Variants in ARHGAP10 observed in about 807,000 individuals in gnomAD.
ARHGAP10 encodes rho GTPase-activating protein 10.
Under a neutral mutation model 108.6 loss-of-function variants are expected in ARHGAP10, and 87 were observed. The observed-to-expected ratio is 0.80, with a 90% CI of 0.67 to 0.96. The LOEUF is 0.96. ARHGAP10 is among the 40% of genes least tolerant of loss of function. ARHGAP10 has a pLI of 0.00. For synonymous variants in ARHGAP10, 347 were observed against 341.1 expected, an observed-to-expected ratio of 1.02 and a Z score of -0.19; for missense variants, 939 against 954.5, an observed-to-expected ratio of 0.98 and a Z score of 0.21.
chr4:147,953,773 T>A (rs762419925), intron 15 of ARHGAP10, among the ~76,000 whole-genome samples: 10 of 151,960 alleles, frequency 6.6e-5, no homozygotes, highest in Non-Finnish European at 1.3e-4. Flanking sequence ...TTTTTATTAT[T>A]TCTCTTCTTT....
intron 1 of ARHGAP10, among the ~76,000 whole-genome samples, chr4:147,810,815 A>C (rs1349975007): frequency 6.6e-6 from 1 of 152,182 alleles, no homozygotes; most frequent in Non-Finnish European, 1.5e-5. Context: ...TATCTGGGGA[A>C]TCTTCCTAAA....
At chr4:147,903,037 C>T (rs1308112309) in intron 10 of ARHGAP10, among the ~76,000 whole-genome samples, 1 of 152,150 alleles carries the variant, frequency 6.6e-6, no homozygotes, top group East Asian at 1.9e-4. Context: ...TCACCTCCCA[C>T]CAGGCCCCTT....
chr4:147,939,050 C>G (rs1738065721), intron 13 of ARHGAP10, among the ~76,000 whole-genome samples: 1 of 152,178 alleles, frequency 6.6e-6, no homozygotes, highest in Non-Finnish European at 1.5e-5. Flanking sequence ...CAGGATGCAA[C>G]TTTAAACAAA....
intron 3 of ARHGAP10, among the ~76,000 whole-genome samples, chr4:147,846,088 T>G (rs944942011): frequency 6.6e-6 from 1 of 151,774 alleles, no homozygotes; most frequent in Non-Finnish European, 1.5e-5. Flanking sequence ...CAGGTGGGAG[T>G]GAGGGGAATC....
chr4:147,828,814 C>T (rs1217960859), intron 3 of ARHGAP10, among the ~76,000 whole-genome samples: 1 of 152,142 alleles, frequency 6.6e-6, no homozygotes, highest in Non-Finnish European at 1.5e-5. Flanking sequence ...TCAGTGTTTC[C>T]CTCCACACTC....
chr4:147,952,192 G>A (rs774426808), intron 15 of ARHGAP10, among the ~76,000 whole-genome samples: 6 of 151,994 alleles, frequency 3.9e-5, no homozygotes, highest in Non-Finnish European at 7.4e-5. Context: ...TGTAACTTTC[G>A]GCTGTTGCAC....
intron 10 of ARHGAP10, among the ~76,000 whole-genome samples, chr4:147,901,588 CGTT>C (rs1472608128): frequency 5.9e-5 from 9 of 152,320 alleles, no homozygotes; most frequent in African/African-American, 2.2e-4. Context: ...AAGTTTGAGT[CGTT>C]GTGCTTGGAG....
intron 1 of ARHGAP10, among the ~76,000 whole-genome samples, chr4:147,755,366 T>C (rs1729323619): frequency 6.6e-6 from 1 of 152,028 alleles, no homozygotes; most frequent in Non-Finnish European, 1.5e-5. Context: ...AACTGCAAGG[T>C]GTTTTGTTCC....
intron 10 of ARHGAP10, among the ~76,000 whole-genome samples, chr4:147,905,314 A>G (rs1317986490): frequency 4.1e-5 from 6 of 147,806 alleles, no homozygotes; most frequent in Admixed American, 1.4e-4. Flanking sequence ...GCCCATGCCT[A>G]TGTCCTGAAT....
At chr4:148,050,695 G>T (rs932614901) in intron 20 of ARHGAP10, among the ~76,000 whole-genome samples, 1 of 152,130 alleles carries the variant, frequency 6.6e-6, no homozygotes, top group African/African-American at 2.4e-5. Flanking sequence ...TTCTTATAAA[G>T]ATTACAAACT....
In ARHGAP10 at chr4:147,881,844, G is replaced by A. The variant is rs138388284; in HGVS notation, c.946G>A (p.Gly316Arg). 2.4e-4 allele frequency: 389 copies of A among 1,613,600 alleles called. 1 individual carries two copies. Among genetic ancestry groups the A allele is most frequent in the Non-Finnish European group, 3.0e-4 (351 of 1,179,850 alleles). Reference protein sequence around the residue: ...EHRSGGKLGDGEVFFLKECTK... With the variant: ...EHRSGGKLGDREVFFLKECTK... Reference sequence around the variant, plus strand: ...TCAAAATGATTATTTGCAGGGGGACGGAGAGGTGTTCTTTTTGAAAGAATG... The same window carrying A: ...TCAAAATGATTATTTGCAGGGGGACAGAGAGGTGTTCTTTTTGAAAGAATG... Residue 316 changes from glycine to arginine, a missense_variant, in exon 10 of 23, where the codon GGA (glycine) becomes AGA (arginine). By Grantham distance (125) the Gly-to-Arg change is moderately radical. Coordinates refer to ENST00000336498, the MANE Select transcript of ARHGAP10 (RefSeq NM_024605.4).
intron 1 of ARHGAP10, among the ~76,000 whole-genome samples, chr4:147,800,319 T>G (rs1325247114): frequency 1.3e-5 from 2 of 152,220 alleles, no homozygotes; most frequent in Non-Finnish European, 2.9e-5. Context: ...CCCCACGGTT[T>G]TCCTCATGTC....
At chr4:148,037,251 A>G (rs559674911) in intron 19 of ARHGAP10, among the ~76,000 whole-genome samples, 1 of 152,346 alleles carries the variant, frequency 6.6e-6, no homozygotes, top group South Asian at 2.1e-4. Flanking sequence ...GAAGTCTTGA[A>G]TGTTCCACTG....
chr4:147,767,589 C>CA lies in ARHGAP10; in HGVS notation c.154+35135dup, dbSNP rs1464986643. Among the ~76,000 whole-genome samples the CA allele has an allele frequency of 2.6e-5, 4 of 152,178 alleles. No individual in the cohort carries two copies. In the East Asian group the frequency reaches 7.7e-4, roughly 29 times the overall value. ...TCTTGAAAATCTAGGCATAAGTGTGCACCTGTAGTCCCAGTTACTTGGGAG... is the reference window on the plus strand; with the variant it reads ...TCTTGAAAATCTAGGCATAAGTGTGCAACCTGTAGTCCCAGTTACTTGGGAG... On this transcript the variant is annotated intron_variant, in intron 1 of 22. Coordinates refer to ENST00000336498, the MANE Select transcript of ARHGAP10 (RefSeq NM_024605.4).
At chr4:147,843,486 C>T (rs139064406) in intron 3 of ARHGAP10, among the ~76,000 whole-genome samples, 2 of 152,246 alleles carry the variant, frequency 1.3e-5, no homozygotes, top group Non-Finnish European at 2.9e-5. Flanking sequence ...TTCTTTAAAA[C>T]GTCTCTGCAG....
At chr4:147,821,647 T>G (rs1050543923) in intron 1 of ARHGAP10, among the ~76,000 whole-genome samples, 2 of 152,178 alleles carry the variant, frequency 1.3e-5, no homozygotes, top group African/African-American at 4.8e-5. Context: ...TGGGGAGCCT[T>G]TGTATCTTCA....
chr4:147,879,446 A>G (rs1735236606), intron 9 of ARHGAP10, 108 bp downstream of exon 9: 1 of 909,384 alleles, frequency 1.1e-6, no homozygotes, highest in Non-Finnish European at 1.6e-6. Flanking sequence ...TGGATGGTAA[A>G]TAAATTGTTA....
chr4:147,995,224 T>G (rs1238761284), intron 18 of ARHGAP10, among the ~76,000 whole-genome samples: 1 of 152,264 alleles, frequency 6.6e-6, no homozygotes, highest in East Asian at 1.9e-4. Context: ...ATAACCAGTT[T>G]TTATGTTTCA....
intron 18 of ARHGAP10, among the ~76,000 whole-genome samples, chr4:147,996,411 T>C (rs1355969105): frequency 6.6e-6 from 1 of 152,178 alleles, no homozygotes; most frequent in Non-Finnish European, 1.5e-5. Flanking sequence ...AATGTGATTG[T>C]CTTAACATGA....
Sources: gnomAD v4.1 joint callset for allele counts (sites outside exome capture counted in the v4.1 genomes callset) on GRCh38, gnomAD v4.1.1 for gene constraint, MANE v1.5 for transcripts, NCBI Gene and HGNC (gene_info 2026-07-23, HGNC 2026-07-21) for gene names.